PER2: variants seen among roughly 807,000 people sequenced by gnomAD.
PER2 encodes the protein period circadian protein homolog 2.
A neutral mutation model predicts 121.0 loss-of-function variants in PER2; 66 were observed. That is an observed-to-expected ratio of 0.55 (90% confidence interval 0.45 to 0.67). The LOEUF is 0.67. PER2 is among the 30% of genes least tolerant of loss of function. The probability of loss-of-function intolerance (pLI) is 0.00; values close to 1 mark genes in which losing one functional copy is unlikely to be tolerated. For synonymous variants in PER2, 684 were observed against 659.9 expected (o/e 1.04, Z -0.56); for missense variants, 1,521 against 1,635.0 (o/e 0.93, Z 1.20).
chr2:238,249,322 T>G (rs1034382046), intron 21 of PER2, 110 bp from the exon 22 acceptor site: 2 of 1,181,166 alleles, frequency 1.7e-6, no homozygotes, highest in Non-Finnish European at 2.4e-6. Flanking sequence ...GCAAATTTCC[T>G]TTTCTTTAAA....
At chr2:238,255,504 A>G (rs1471221981) in intron 18 of PER2, 153 bp downstream of exon 18, 6 of 816,998 alleles carry the variant, frequency 7.3e-6, no homozygotes, top group African/African-American at 6.7e-5. Flanking sequence ...GTTCTACAGA[A>G]ACAGATGGCG....
At position 238,253,926 on chromosome 2, in the gene PER2, G is replaced by A. The variant is rs1695686735; in HGVS notation, c.2321-224C>T. Among the ~76,000 whole-genome samples the A allele has an allele frequency of 6.6e-6, 1 of 152,156 alleles. No homozygotes were observed. Among genetic ancestry groups the A allele is most frequent in the African/African-American group, 2.4e-5 (1 of 41,434 alleles). ...TTAAATTACAAGCTCTTAATTGCAG[G>A]ACACATTCCTTATTTTCTTCTGGTA... On this transcript the variant is annotated intron_variant, in intron 18 of 22. Transcript: ENST00000254657. This position sits in a 1 kb window ranked among gnomAD's most constrained non-coding sequence, Gnocchi z 5.6.
chr2:238,282,633 GC>G (rs1479222691), intron 1 of PER2, among the ~76,000 whole-genome samples: 4 of 152,276 alleles, frequency 2.6e-5, no homozygotes, highest in Non-Finnish European at 4.4e-5. Flanking sequence ...GGCAGGGCCT[GC>G]CCGGTGCCAG....
Position 238,287,679 on chromosome 2 carries a change from G to A in PER2, c.-20+670C>T, listed in dbSNP as rs546477679. ...GGCCTGGGCCTCAGTTTGCTCATCT[G>A]TCAGGCTGAGGGGTTACTCTGGGTG... On this transcript the variant is annotated intron_variant, in intron 1 of 22. Coordinates refer to ENST00000254657, the MANE Select transcript of PER2 (RefSeq NM_022817.3). 7.2e-5 allele frequency among the ~76,000 whole-genome samples: 11 copies of A among 152,354 alleles called. No homozygotes were observed. The South Asian group carries it at 2.3e-3, about 32-fold the overall frequency.
chr2:238,276,650 G>C (rs1462627312), intron 3 of PER2, among the ~76,000 whole-genome samples: 2 of 152,236 alleles, frequency 1.3e-5, no homozygotes, highest in African/African-American at 4.8e-5. Flanking sequence ...AGATGTTAGA[G>C]AGACAGGACA....
chr2:238,258,049 C>T (rs1002521709), intron 16 of PER2, among the ~76,000 whole-genome samples: 2 of 152,262 alleles, frequency 1.3e-5, no homozygotes, highest in African/African-American at 4.8e-5. Flanking sequence ...GGGACGGCCC[C>T]AGGCCTCCAG....
intron 6 of PER2, among the ~76,000 whole-genome samples, chr2:238,270,542 G>C (rs761299947): frequency 2.0e-5 from 3 of 152,208 alleles, no homozygotes; most frequent in Non-Finnish European, 4.4e-5. Context: ...AGCTTGGAAA[G>C]GCCCCTGAGA....
At chr2:238,273,734 C>T (rs1696366204) in intron 4 of PER2, among the ~76,000 whole-genome samples, 1 of 152,144 alleles carries the variant, frequency 6.6e-6, no homozygotes, top group Admixed American at 6.5e-5. Context: ...GGCACGATCT[C>T]AGCTCACGGC....
At position 238,250,560 on chromosome 2, in the gene PER2, A is replaced by C. The variant is rs1408580845; in HGVS notation, c.3458T>G (p.Leu1153Arg). The C allele has an allele frequency of 6.2e-7, 1 of 1,612,122 alleles. No homozygotes were observed. The highest frequency in any genetic ancestry group is 8.5e-7 in the Non-Finnish European group (1 of 1,179,116). ...AACGCTGGGTGGTTACCGGGAAGGC[A>C]GCTGGTACGTCATCATGACGCTGCT... Reference protein sequence around the residue: ...ADSSVMMTYQLPSRNLEAVLK... With the variant: ...ADSSVMMTYQRPSRNLEAVLK... The change falls in exon 21 of 23, where the codon CTG (leucine) becomes CGG (arginine). Residue 1153 changes from leucine (L) to arginine (R), a missense_variant. By Grantham distance (102) the Leu-to-Arg change is moderately radical. Transcript: ENST00000254657.
intron 1 of PER2, among the ~76,000 whole-genome samples, chr2:238,287,375 T>A (rs1696819985): frequency 6.6e-6 from 1 of 152,246 alleles, no homozygotes; most frequent in African/African-American, 2.4e-5. Context: ...GGTAGAGTCC[T>A]GTTTTCTTCT....
Position 238,258,304 on chromosome 2 carries a change from G to C in PER2, c.1872C>G (p.Ala624=). The C allele has an allele frequency of 1.9e-6, 3 of 1,614,206 alleles. No individual in the cohort carries two copies. Among genetic ancestry groups the C allele is most frequent in the Non-Finnish European group, 2.5e-6 (3 of 1,180,018 alleles). The change falls in exon 16 of 23, where the codon GCC becomes GCG. Residue 624 remains alanine (A), a synonymous_variant. Transcript: ENST00000254657. ...CAGCGTGTGGCCCTGGGCTGACTGTGGCCTTCCGCTTATCACTGGACCTTA... is the reference window on the plus strand; with the variant it reads ...CAGCGTGTGGCCCTGGGCTGACTGTCGCCTTCCGCTTATCACTGGACCTTA... ...PALRSSDKRK[A]TVSPGPHAGE...
At chr2:238,265,390 G>A in intron 9 of PER2, 122 bp downstream of exon 9, 1 of 700,886 alleles carries the variant, frequency 1.4e-6, no homozygotes, top group Non-Finnish European at 2.6e-6. Flanking sequence ...TTCATTGCCT[G>A]TATATAATTA....
At chr2:238,269,150 C>A (rs1696204803) in intron 6 of PER2, among the ~76,000 whole-genome samples, 176 bp from the exon 7 acceptor site, 1 of 152,220 alleles carries the variant, frequency 6.6e-6, no homozygotes, top group Non-Finnish European at 1.5e-5. Context: ...ACATTTTTGA[C>A]TAAAATTACA....
At position 238,253,014 on chromosome 2, in the gene PER2, G is replaced by A. The variant is rs781177819; in HGVS notation, c.3009C>T (p.Gly1003=). 6.2e-7 allele frequency: 1 copy of A among 1,613,938 alleles called. No homozygotes were observed. The highest frequency in any genetic ancestry group is 2.2e-5 in the East Asian group (1 of 44,888). ...LLQLEEAPEG[G]TGAMGTTGAT... is the part of the protein sequence containing the mutation. ...CCCCTGTGGTCCCCATGGCTCCAGT[G>A]CCACCCTCAGGGGCTTCCTCCAGCT... is the stretch of plus-strand genomic sequence containing the variant. The change falls in exon 19 of 23, where the codon GGC becomes GGT. Residue 1003 remains glycine (G), a synonymous_variant. Transcript: ENST00000254657. The surrounding 1 kb of genome is among the most constrained non-coding windows in gnomAD (Gnocchi z 5.6).
intron 6 of PER2, among the ~76,000 whole-genome samples, chr2:238,269,429 A>G (rs1157828776): frequency 6.8e-6 from 1 of 147,026 alleles, no homozygotes; most frequent in Admixed American, 6.7e-5. Context: ...CTGCAACTGA[A>G]CACACTCACG....
chr2:238,251,071 C>T (rs1472070172), intron 20 of PER2, among the ~76,000 whole-genome samples: 1 of 152,246 alleles, frequency 6.6e-6, no homozygotes, highest in African/African-American at 2.4e-5. Flanking sequence ...TGCAGTTTCC[C>T]ACAAGGGGAG....
upstream of PER2, among the ~76,000 whole-genome samples, chr2:238,290,825 A>G (rs1696936466): frequency 6.6e-6 from 1 of 152,068 alleles, no homozygotes; most frequent in Non-Finnish European, 1.5e-5. Flanking sequence ...ATTTTGTCTA[A>G]GTTGTGGTGT....
Position 238,258,327 on chromosome 2 carries a change from T to G in PER2, c.1849A>C (p.Arg617=). 1 of 1,614,220 alleles carries G rather than the reference T, an allele frequency of 6.2e-7. No homozygotes were observed. The highest frequency in any genetic ancestry group is 1.3e-5 in the African/African-American group (1 of 75,050). The stretch of plus-strand genomic sequence containing the variant: ...GTGGCCTTCCGCTTATCACTGGACC[T>G]TAGCGCTGGGACGTTTGCTGGGAAC... The part of the protein sequence containing the change: ...CEFPANVPAL[R]SSDKRKATVS... The change falls in exon 16 of 23, where the codon AGG becomes CGG. Residue 617 remains arginine (R), a synonymous_variant. Transcript: ENST00000254657.
chr2:238,281,508 T>G (rs1478048771), intron 1 of PER2, among the ~76,000 whole-genome samples: 1 of 152,224 alleles, frequency 6.6e-6, no homozygotes, highest in Non-Finnish European at 1.5e-5. Context: ...TATTTTACAT[T>G]TAATGGCAGT....
Sources: allele counts gnomAD v4.1 joint callset (sites outside exome capture counted in the v4.1 genomes callset), GRCh38; gene constraint gnomAD v4.1.1; non-coding constraint Gnocchi (gnomAD v3.1); transcripts MANE v1.5; gene names NCBI Gene and HGNC (gene_info 2026-07-23, HGNC 2026-07-21).